Variants in KCNIP4 observed in about 807,000 individuals in gnomAD.
The protein encoded by KCNIP4 is Kv channel-interacting protein 4.
KCNIP4 carries 12 observed loss-of-function variants against 34.0 expected under a neutral mutation model. The ratio of observed to expected loss-of-function variants is 0.35; its 90% CI spans 0.23 to 0.57. The LOEUF is 0.57. Among genes scored for constraint, KCNIP4 ranks in the 20% least tolerant of loss-of-function variants. KCNIP4 has a pLI of 0.83. For missense variants in KCNIP4, 238 were observed against 311.7 expected (o/e 0.76, Z 1.78); for synonymous variants, 124 against 102.2 (o/e 1.21, Z -1.29).
At chr4:21,841,568 G>C (rs1209801878) in intron 1 of KCNIP4, among the ~76,000 whole-genome samples, 1 of 152,048 alleles carries the variant, frequency 6.6e-6, no homozygotes, top group East Asian at 1.9e-4. Flanking sequence ...ACTGGCATCT[G>C]GCTACCCTTC....
intron 1 of KCNIP4, among the ~76,000 whole-genome samples, chr4:21,673,642 G>A (rs1161185177): frequency 6.6e-6 from 1 of 152,096 alleles, no homozygotes; most frequent in East Asian, 1.9e-4. Context: ...GAAATGAGGT[G>A]TTACCTGATT....
chr4:21,495,684 G>A (rs182838573), intron 1 of KCNIP4, among the ~76,000 whole-genome samples: 1 of 151,796 alleles, frequency 6.6e-6, no homozygotes, highest in Admixed American at 6.6e-5. Context: ...TATTATCCAC[G>A]AGTTCCAGTT....
chr4:21,944,556 C>CAAAAA (rs5856680), intron 1 of KCNIP4, among the ~76,000 whole-genome samples: 10 of 104,428 alleles, frequency 9.6e-5, no homozygotes, highest in East Asian at 3.7e-4. Context: ...GACTCCGTCT[C>CAAAAA]AAAAAAAAAA....
chr4:21,700,926 T>G (rs1712784000), intron 1 of KCNIP4, among the ~76,000 whole-genome samples: 1 of 152,132 alleles, frequency 6.6e-6, no homozygotes, highest in South Asian at 2.1e-4. Context: ...AAAATTAAAT[T>G]AGTATGTCAA....
intron 3 of KCNIP4, among the ~76,000 whole-genome samples, chr4:20,835,249 T>C (rs1718895444): frequency 6.6e-6 from 1 of 152,114 alleles, no homozygotes; most frequent in African/African-American, 2.4e-5. Flanking sequence ...TTGCTATCTC[T>C]TCCAGCTTTA....
intron 1 of KCNIP4, among the ~76,000 whole-genome samples, chr4:20,943,463 A>G (rs1577406676): frequency 6.6e-6 from 1 of 152,154 alleles, no homozygotes; most frequent in East Asian, 1.9e-4. Context: ...ATTTACTACA[A>G]ATTACTTGCT....
At chr4:21,526,480 G>T (rs114540868) in intron 1 of KCNIP4, among the ~76,000 whole-genome samples, 1,594 of 152,014 alleles carry the variant, frequency 0.01, 35 homozygotes, top group African/African-American at 0.035. Flanking sequence ...GACTAATATA[G>T]CATTTAATAA....
intron 1 of KCNIP4, among the ~76,000 whole-genome samples, chr4:21,555,899 C>A (rs1280540801): frequency 6.6e-6 from 1 of 152,072 alleles, no homozygotes; most frequent in Non-Finnish European, 1.5e-5. Flanking sequence ...GCTGGTCCAT[C>A]AGAGGCTGGA....
intron 1 of KCNIP4, among the ~76,000 whole-genome samples, chr4:20,914,028 G>A (rs1000140681): frequency 1.3e-5 from 2 of 151,954 alleles, no homozygotes; most frequent in Non-Finnish European, 2.9e-5. Flanking sequence ...GTGGTGGTGG[G>A]TGCCTGTAAT....
At chr4:21,468,807 C>T (rs937768088) in intron 1 of KCNIP4, among the ~76,000 whole-genome samples, 1 of 152,128 alleles carries the variant, frequency 6.6e-6, no homozygotes, top group African/African-American at 2.4e-5. Flanking sequence ...CCCTGTTTCG[C>T]TTTTTTGCTA....
intron 1 of KCNIP4, among the ~76,000 whole-genome samples, chr4:21,338,759 C>T (rs1171860470): frequency 1.3e-5 from 2 of 151,922 alleles, no homozygotes; most frequent in Admixed American, 1.3e-4. Flanking sequence ...TCCAAGCACA[C>T]GTTAATCCTT....
chr4:21,737,469 T>A (rs1716070444), intron 1 of KCNIP4, among the ~76,000 whole-genome samples: 1 of 151,924 alleles, frequency 6.6e-6, no homozygotes, highest in South Asian at 2.1e-4. Context: ...ACTAGAAAAA[T>A]CATCCAGTGC....
At chr4:20,837,623 GAT>G (rs34413889) in intron 3 of KCNIP4, among the ~76,000 whole-genome samples, 2,429 of 143,806 alleles carry the variant, frequency 0.017, 67 homozygotes, top group African/African-American at 0.056. Context: ...AGTTCTCAGT[GAT>G]ATATATATAT....
At chr4:21,742,093 T>C (rs779941505) in intron 1 of KCNIP4, among the ~76,000 whole-genome samples, 14 of 152,010 alleles carry the variant, frequency 9.2e-5, no homozygotes, top group Non-Finnish European at 1.9e-4. Flanking sequence ...AAATGTTTCT[T>C]CTCCATAAAT....
chr4:20,780,519 C>T (rs993282002), intron 3 of KCNIP4, among the ~76,000 whole-genome samples: 7 of 152,182 alleles, frequency 4.6e-5, no homozygotes, highest in Non-Finnish European at 8.8e-5. Flanking sequence ...TTCTGGTTCT[C>T]TGTGACTCAG....
intron 1 of KCNIP4, among the ~76,000 whole-genome samples, chr4:21,716,875 G>A (rs1714426892): frequency 6.6e-6 from 1 of 152,082 alleles, no homozygotes; most frequent in South Asian, 2.1e-4. Context: ...CTCAAGTGTA[G>A]GTAAATTTAG....
intron 4 of KCNIP4, among the ~76,000 whole-genome samples, chr4:20,751,354 T>C (rs1753590686): frequency 6.6e-6 from 1 of 152,178 alleles, no homozygotes; most frequent in South Asian, 2.1e-4. Context: ...AGGAGTTTAA[T>C]TACCATAAAC....
intron 1 of KCNIP4, among the ~76,000 whole-genome samples, chr4:21,600,017 T>G (rs747539959): frequency 6.6e-6 from 1 of 152,050 alleles, no homozygotes; most frequent in Non-Finnish European, 1.5e-5. Context: ...CTGCAGGTGG[T>G]CCTCAGATCA....
intron 1 of KCNIP4, among the ~76,000 whole-genome samples, chr4:21,606,303 C>T (rs996663210): frequency 1.3e-5 from 2 of 152,136 alleles, no homozygotes; most frequent in Non-Finnish European, 2.9e-5. Flanking sequence ...TCCTTTTTAA[C>T]ATATCACTGA....
Sources: gnomAD v4.1 joint callset for allele counts (sites outside exome capture counted in the v4.1 genomes callset) on GRCh38, gnomAD v4.1.1 for gene constraint, MANE v1.5 for transcripts, NCBI Gene and HGNC (gene_info 2026-07-23, HGNC 2026-07-21) for gene names.